Variants in CSMD1 observed in about 807,000 individuals in gnomAD.
CSMD1 encodes the protein CUB and Sushi multiple domains 1.
A neutral mutation model predicts 417.5 loss-of-function variants in CSMD1; 213 were observed. That is an observed-to-expected ratio of 0.51 (90% CI 0.46 to 0.57). CSMD1 has a LOEUF of 0.57. CSMD1 is among the 20% of genes least tolerant of loss of function. The pLI, the probability that CSMD1 is intolerant of heterozygous loss-of-function variation, is 0.00. For synonymous variants in CSMD1, 2,862 were observed against 1,736.8 expected (o/e 1.65, Z -16.11); for missense variants, 6,923 against 4,529.7 (o/e 1.53, Z -15.17).
At chr8:3,083,029 G>A (rs534711323) in intron 49 of CSMD1, among the ~76,000 whole-genome samples, 2 of 152,252 alleles carry the variant, frequency 1.3e-5, no homozygotes, top group South Asian at 2.1e-4. Context: ...TTTTTCCCAC[G>A]TGGAGTTCTA....
chr8:3,477,020 T>C (rs1477579879), intron 11 of CSMD1, among the ~76,000 whole-genome samples: 1 of 152,180 alleles, frequency 6.6e-6, no homozygotes, highest in Non-Finnish European at 1.5e-5. Flanking sequence ...AAGGGAATGT[T>C]CTGTGTTCTG....
At chr8:4,328,794 G>A (rs1360438669) in intron 3 of CSMD1, among the ~76,000 whole-genome samples, 1 of 152,112 alleles carries the variant, frequency 6.6e-6, no homozygotes, top group Admixed American at 6.6e-5. Flanking sequence ...TATTCTCTTT[G>A]AAATAAACTT....
intron 1 of CSMD1, among the ~76,000 whole-genome samples, chr8:4,885,596 T>C (rs1310852381): frequency 1.3e-5 from 2 of 152,072 alleles, no homozygotes; most frequent in Non-Finnish European, 1.5e-5. Flanking sequence ...AGGTGGCTTT[T>C]GTCCTTTATC....
At chr8:4,057,223 T>TAA (rs879882197) in intron 3 of CSMD1, among the ~76,000 whole-genome samples, 5,205 of 152,232 alleles carry the variant, frequency 0.034, 292 homozygotes, top group African/African-American at 0.11. Context: ...ATGATTGCCA[T>TAA]TCTAACTGGT....
intron 4 of CSMD1, among the ~76,000 whole-genome samples, chr8:4,022,650 C>T (rs974996264): frequency 1.3e-5 from 2 of 152,034 alleles, no homozygotes; most frequent in Admixed American, 6.5e-5. Flanking sequence ...TGGGTGAGCG[C>T]TCAGGGAGAG....
chr8:3,250,320 A>G (rs902084730), intron 26 of CSMD1, among the ~76,000 whole-genome samples: 11 of 151,876 alleles, frequency 7.2e-5, no homozygotes, highest in African/African-American at 2.7e-4. Context: ...TTGGTTTTTT[A>G]TCCTTGTGAT....
At chr8:3,117,569 G>C (rs952040157) in intron 42 of CSMD1, among the ~76,000 whole-genome samples, 2 of 152,130 alleles carry the variant, frequency 1.3e-5, no homozygotes, top group Non-Finnish European at 2.9e-5. Flanking sequence ...TGAGAATATC[G>C]GGTTTACAGT....
At chr8:4,528,382 T>C (rs1181911680) in intron 2 of CSMD1, among the ~76,000 whole-genome samples, 1 of 152,172 alleles carries the variant, frequency 6.6e-6, no homozygotes, top group African/African-American at 2.4e-5. Context: ...AGACTCTCAA[T>C]CATGCCAGAA....
At chr8:3,527,327 T>G (rs1299655379) in intron 10 of CSMD1, among the ~76,000 whole-genome samples, 2 of 152,202 alleles carry the variant, frequency 1.3e-5, no homozygotes, top group Non-Finnish European at 2.9e-5. Flanking sequence ...TTAAAGGCAC[T>G]CGTGCCCTTT....
At chr8:3,611,209 G>A (rs772744368) in intron 8 of CSMD1, among the ~76,000 whole-genome samples, 7 of 151,066 alleles carry the variant, frequency 4.6e-5, no homozygotes, top group Admixed American at 1.3e-4. Context: ...TTGTGCACAT[G>A]TACCCTAAAA....
At chr8:4,309,585 A>G (rs887018049) in intron 3 of CSMD1, among the ~76,000 whole-genome samples, 16 of 152,146 alleles carry the variant, frequency 1.1e-4, no homozygotes, top group African/African-American at 3.6e-4. Context: ...AGTTCATATG[A>G]AATTCCCTAA....
At chr8:3,866,427 A>G (rs970107898) in intron 5 of CSMD1, among the ~76,000 whole-genome samples, 5 of 152,168 alleles carry the variant, frequency 3.3e-5, no homozygotes, top group African/African-American at 4.8e-5. Context: ...AGCGTTTCCA[A>G]TTTGATTACC....
At chr8:3,879,619 T>C (rs35027312) in intron 5 of CSMD1, among the ~76,000 whole-genome samples, 35,206 of 152,146 alleles carry the variant, frequency 0.23, 5,418 homozygotes, top group African/African-American at 0.44. Context: ...TATTAACTGG[T>C]TTCAGAAATG....
chr8:3,107,923 T>A, intron 44 of CSMD1, 125 bp from the exon 45 acceptor site: 1 of 605,492 alleles, frequency 1.7e-6, no homozygotes, highest in South Asian at 2.2e-5. Context: ...ATGTCTCTAT[T>A]CCTGAATCAT....
At chr8:3,048,799 C>A (rs937700737) in intron 50 of CSMD1, among the ~76,000 whole-genome samples, 2 of 150,982 alleles carry the variant, frequency 1.3e-5, no homozygotes, top group Admixed American at 1.3e-4. Context: ...AAAAGACCAG[C>A]CACAGACTAG....
chr8:3,320,142 G>A (rs1195287485), intron 23 of CSMD1, among the ~76,000 whole-genome samples: 6 of 152,200 alleles, frequency 3.9e-5, no homozygotes, highest in Middle Eastern at 3.2e-3. Flanking sequence ...TGTCTGTGCT[G>A]TCCCATATAA....
intron 2 of CSMD1, among the ~76,000 whole-genome samples, chr8:4,429,862 T>C (rs6982120): frequency 0.35 from 53,438 of 151,730 alleles, 9,590 homozygotes; most frequent in South Asian, 0.44. Context: ...TCAGTTAAGT[T>C]CTATGAAATG....
intron 7 of CSMD1, among the ~76,000 whole-genome samples, chr8:3,697,424 T>C (rs1270586545): frequency 6.6e-6 from 1 of 152,226 alleles, no homozygotes; most frequent in Non-Finnish European, 1.5e-5. Flanking sequence ...GGTCTCTTCG[T>C]TATGTTTATA....
At position 3,998,075 on chromosome 8, in the gene CSMD1, T is replaced by C; in HGVS notation, c.646A>G (p.Ser216Gly). The part of the protein sequence containing the change: ...GACGGTLRGT[S>G]SSISSPHFPS... ...AAGTGCGGGCTGGAGATGGAGCTGC[T>C]GGTCCCGCGTAAGGTTCCTCCGCAG... Residue 216 changes from serine (S) to glycine (G), a missense_variant, in exon 5 of 70, where the codon AGC becomes GGC. Coordinates refer to ENST00000635120, the MANE Select transcript of CSMD1 (RefSeq NM_033225.6). 2.5e-6 allele frequency: 4 copies of C among 1,587,130 alleles called. No homozygotes were observed. The Admixed American group carries it at 5.4e-5, about 21-fold the overall frequency.
Sources: allele counts gnomAD v4.1 joint callset (sites outside exome capture counted in the v4.1 genomes callset), GRCh38; gene constraint gnomAD v4.1.1; transcripts MANE v1.5; gene names NCBI Gene and HGNC (gene_info 2026-07-23, HGNC 2026-07-21).